The following DYM variants were observed in gnomAD, a reference collection of about 807,000 sequenced individuals.
The protein encoded by DYM is dymeclin.
In DYM, 78 loss-of-function variants were observed where a neutral mutation model predicts 93.1. The ratio of observed to expected loss-of-function variants is 0.84; its 90% CI spans 0.70 to 1.01. The LOEUF (loss-of-function observed/expected upper bound fraction) is 1.01, where lower values mean the gene tolerates loss of function less well. DYM is among the 50% of genes least tolerant of loss of function. The pLI is 0.00. For synonymous variants in DYM, 321 were observed against 319.7 expected (o/e 1.00, Z -0.04); for missense variants, 789 against 845.0 (o/e 0.93, Z 0.82).
intron 6 of DYM, among the ~76,000 whole-genome samples, chr18:49,347,494 A>C (rs1028366415): frequency 2.0e-5 from 3 of 152,198 alleles, no homozygotes; most frequent in Non-Finnish European, 4.4e-5. Flanking sequence ...ATGCTGCAGG[A>C]GTCGCCGATT....
chr18:49,133,884 G>A (rs1032651148), intron 15 of DYM, among the ~76,000 whole-genome samples: 2 of 152,182 alleles, frequency 1.3e-5, no homozygotes, highest in East Asian at 1.9e-4. Context: ...TACAGGTTCT[G>A]GGGATAGGAT....
chr18:49,397,726 T>C (rs2070286580), intron 2 of DYM, among the ~76,000 whole-genome samples: 5 of 152,230 alleles, frequency 3.3e-5, no homozygotes, highest in Admixed American at 3.3e-4. Flanking sequence ...GTGTAATTGC[T>C]GACCACCTGA....
intron 6 of DYM, among the ~76,000 whole-genome samples, chr18:49,347,525 C>T (rs1425032002): frequency 6.6e-6 from 1 of 152,130 alleles, no homozygotes; most frequent in Non-Finnish European, 1.5e-5. Flanking sequence ...AAAGTCAGGG[C>T]CTGCTTCTAA....
chr18:49,216,696 G>C (rs1476073200), intron 13 of DYM, among the ~76,000 whole-genome samples: 1 of 152,160 alleles, frequency 6.6e-6, no homozygotes, highest in African/African-American at 2.4e-5. Context: ...TGAGGGTCCT[G>C]TCTGTTAGAA....
chr18:49,386,296 T>C (rs2068617914), intron 3 of DYM, among the ~76,000 whole-genome samples: 1 of 152,176 alleles, frequency 6.6e-6, no homozygotes, highest in Admixed American at 6.5e-5. Context: ...AAGAATTCTA[T>C]ATCTAGAAAA....
At chr18:49,216,620 C>T (rs1034289564) in intron 13 of DYM, among the ~76,000 whole-genome samples, 30 of 152,152 alleles carry the variant, frequency 2.0e-4, no homozygotes, top group Admixed American at 1.2e-3. Context: ...CTGAAGCTAC[C>T]GCTGCTGATA....
In DYM at chr18:49,098,786, G is replaced by C. The variant is rs2079823766; in HGVS notation, c.1912-1271C>G. Among the ~76,000 whole-genome samples, 3 of 152,106 alleles carry C rather than the reference G, an allele frequency of 2.0e-5. No homozygotes were observed. The East Asian group carries it at 5.8e-4, about 29-fold the overall frequency. On this transcript the variant is annotated intron_variant, in intron 16 of 17. Transcript: ENST00000675505. The stretch of plus-strand genomic sequence containing the variant: ...ATTAATATTTTGTTCACAGAGTTTA[G>C]ACACAGCAGGTCCAAAAATTGATTT...
At chr18:49,088,747 G>A (rs1043790063) in intron 17 of DYM, among the ~76,000 whole-genome samples, 6 of 152,106 alleles carry the variant, frequency 3.9e-5, no homozygotes, top group Non-Finnish European at 7.3e-5. Flanking sequence ...GGGTTAAGAG[G>A]AAGCAAAAAT....
intron 1 of DYM, among the ~76,000 whole-genome samples, chr18:49,448,968 CA>C (rs2082315298): frequency 6.6e-6 from 1 of 152,168 alleles, no homozygotes; most frequent in African/African-American, 2.4e-5. Flanking sequence ...TCATCTGAGG[CA>C]GCTATTGGGT....
At chr18:49,114,102 A>G (rs1048461860) in intron 16 of DYM, among the ~76,000 whole-genome samples, 5 of 152,200 alleles carry the variant, frequency 3.3e-5, no homozygotes, top group African/African-American at 1.2e-4. Context: ...CTGCAATAAC[A>G]TGTGATAACT....
chr18:49,172,195 T>C (rs1280941488), intron 14 of DYM, among the ~76,000 whole-genome samples: 1 of 152,226 alleles, frequency 6.6e-6, no homozygotes, highest in African/African-American at 2.4e-5. Context: ...CATGCTGTTT[T>C]GTATATCAGT....
At chr18:49,132,388 T>C (rs2083452705) in intron 15 of DYM, among the ~76,000 whole-genome samples, 1 of 152,050 alleles carries the variant, frequency 6.6e-6, no homozygotes, top group Non-Finnish European at 1.5e-5. Context: ...TGTAGGAAAC[T>C]ATAAATTCCT....
chr18:49,205,779 A>G (rs1019955092), intron 14 of DYM: 1 of 152,352 alleles, frequency 6.6e-6, no homozygotes, highest in South Asian at 2.1e-4. Flanking sequence ...ACAGAGCTAT[A>G]GCCAATATAC....
At chr18:49,090,274 C>T (rs1041075818) in intron 17 of DYM, among the ~76,000 whole-genome samples, 5 of 152,030 alleles carry the variant, frequency 3.3e-5, no homozygotes, top group African/African-American at 1.2e-4. Context: ...ATTTTGGGCC[C>T]GGTGAAATGG....
intron 11 of DYM, among the ~76,000 whole-genome samples, chr18:49,258,837 CACAGAGAGAGAGAGAGAGAG>C (rs2094439991): frequency 6.5e-5 from 9 of 138,140 alleles, no homozygotes; most frequent in East Asian, 4.3e-4. Context: ...CACACACACA[CACAGAGAGAGAGAGAGAGAG>C]AGAGAGAGAG....
At chr18:49,239,147 A>T (rs756769565) in intron 13 of DYM, among the ~76,000 whole-genome samples, 6 of 152,204 alleles carry the variant, frequency 3.9e-5, no homozygotes, top group Non-Finnish European at 8.8e-5. Context: ...ATAAGTGAAG[A>T]CACCTGTACT....
At chr18:49,319,469 AAAG>A (rs2062298034) in intron 8 of DYM, among the ~76,000 whole-genome samples, 1 of 152,234 alleles carries the variant, frequency 6.6e-6, no homozygotes, top group Non-Finnish European at 1.5e-5. Context: ...ATGAAACAAG[AAAG>A]ATAAAAACAT....
intron 2 of DYM, among the ~76,000 whole-genome samples, chr18:49,419,345 C>G (rs1311888700): frequency 2.6e-5 from 4 of 151,764 alleles, no homozygotes; most frequent in African/African-American, 7.3e-5. Context: ...GGCGACAGAG[C>G]AAGACTCTGT....
At position 49,163,762 on chromosome 18, in the gene DYM, GT is replaced by G; in HGVS notation, c.1650del (p.Lys550AsnfsTer13). The G allele has an allele frequency of 6.2e-7, 1 of 1,611,314 alleles. No individual in the cohort carries two copies. Among genetic ancestry groups the G allele is most frequent in the South Asian group, 1.1e-5 (1 of 90,640 alleles). ...ASSLFSLLSK[K>X]HNKVLEQATQ... is the part of the protein sequence containing the mutation. Reference sequence around the variant, plus strand: ...GTGGCTTGTTCCAGAACTTTGTTGTGTTTTTTAGACAGCAAAGAAAATAAAC... The same window carrying G: ...GTGGCTTGTTCCAGAACTTTGTTGTGTTTTTAGACAGCAAAGAAAATAAAC... On this transcript the variant is annotated frameshift_variant, in exon 15 of 18. Transcript: ENST00000675505. LOFTEE classifies it high-confidence loss of function.
Sources: allele counts gnomAD v4.1 joint callset (sites outside exome capture counted in the v4.1 genomes callset), GRCh38; gene constraint gnomAD v4.1.1; transcripts MANE v1.5; gene names NCBI Gene and HGNC (gene_info 2026-07-23, HGNC 2026-07-21).